Variants in PLCG2 observed in about 807,000 individuals in gnomAD.
The protein encoded by PLCG2 is phospholipase C gamma 2, also known as 1-phosphatidylinositol 4,5-bisphosphate phosphodiesterase gamma-2.
In PLCG2, 69 loss-of-function variants were observed where a neutral mutation model predicts 175.6. The ratio of observed to expected loss-of-function variants is 0.39; its 90% CI spans 0.32 to 0.48. PLCG2 has a LOEUF of 0.48. Ranked by LOEUF, PLCG2 falls within the 20% of genes least tolerant of loss-of-function variation. The pLI is 0.91. For synonymous variants in PLCG2, 827 were observed against 624.0 expected, an observed-to-expected ratio of 1.33 and a Z score of -4.85; for missense variants, 1,798 against 1,650.9, an observed-to-expected ratio of 1.09 and a Z score of -1.54.
At chr16:81,813,147 G>C (rs1157308505) in intron 2 of PLCG2, among the ~76,000 whole-genome samples, 1 of 152,108 alleles carries the variant, frequency 6.6e-6, no homozygotes, top group Non-Finnish European at 1.5e-5. Context: ...GGGTTGTCTT[G>C]GTTATGTGGT....
intron 8 of PLCG2, among the ~76,000 whole-genome samples, chr16:81,881,535 G>C (rs1420454275): frequency 6.6e-6 from 1 of 152,224 alleles, no homozygotes; most frequent in South Asian, 2.1e-4. Flanking sequence ...TGGAGTTAAT[G>C]GTCTGGGGTA....
intron 12 of PLCG2, 143 bp downstream of exon 12, chr16:81,893,937 GTTTC>G: frequency 2.1e-6 from 1 of 472,734 alleles, no homozygotes; most frequent in South Asian, 3.4e-5. Context: ...AGAGTGTGAT[GTTTC>G]TTTGTTTTCT....
chr16:81,933,427 G>A (rs948253810), intron 25 of PLCG2, among the ~76,000 whole-genome samples: 2 of 152,192 alleles, frequency 1.3e-5, no homozygotes, highest in Admixed American at 6.5e-5. Flanking sequence ...ACGGTCTGTA[G>A]CCACCTCATT....
At chr16:81,856,964 G>A (rs1340283555) in intron 3 of PLCG2, among the ~76,000 whole-genome samples, 1 of 152,158 alleles carries the variant, frequency 6.6e-6, no homozygotes, top group Non-Finnish European at 1.5e-5. Flanking sequence ...TCCAGAAGCT[G>A]GGAAAGGTGA....
Position 81,910,542 on chromosome 16 carries a change from T to C in PLCG2, c.1756T>C (p.Cys586Arg). ...SFWRSGRVQH[C>R]RIRSTMEGGT... ...CAGGCGGTCAGGCCGGGTCCAGCAC[T>C]GCCGGATCCGCTCCACCATGGAGGG... The change falls in exon 18 of 33, where the codon TGC becomes CGC. Residue 586 changes from cysteine (C) to arginine (R), a missense_variant. Physicochemically the swap from Cys to Arg is radical, Grantham distance 180. Coordinates refer to ENST00000564138, the MANE Select transcript of PLCG2 (RefSeq NM_002661.5). The C allele has an allele frequency of 6.2e-7, 1 of 1,614,112 alleles. No homozygotes were observed. The highest frequency in any genetic ancestry group is 1.1e-5 in the South Asian group (1 of 91,090).
At chr16:81,869,168 G>A (rs758204350) in intron 5 of PLCG2, 46 bp from the exon 6 acceptor site, 1 of 1,466,982 alleles carries the variant, frequency 6.8e-7, no homozygotes, top group Non-Finnish European at 9.6e-7. Flanking sequence ...ATCCTGTGCT[G>A]TTGAAAACCC....
chr16:81,935,684 G>A (rs1910677317), intron 26 of PLCG2: 1 of 985,168 alleles, frequency 1.0e-6, no homozygotes, highest in Non-Finnish European at 1.2e-6. Context: ...AGAAGATGAG[G>A]CCTGTCCCCT....
chr16:81,777,026 AG>A (rs199640019), upstream of PLCG2, among the ~76,000 whole-genome samples: 4,913 of 152,264 alleles, frequency 0.032, 126 homozygotes, highest in Admixed American at 0.053. Context: ...AAAACATGAA[AG>A]AAAAAAAAGC....
At chr16:81,876,994 T>C (rs1472585955) in intron 7 of PLCG2, among the ~76,000 whole-genome samples, 4 of 152,204 alleles carry the variant, frequency 2.6e-5, no homozygotes. Context: ...AGGAGAAAAG[T>C]CCTTGCCTCC....
At chr16:81,834,959 C>A (rs541989103) in intron 2 of PLCG2, among the ~76,000 whole-genome samples, 2 of 152,252 alleles carry the variant, frequency 1.3e-5, no homozygotes, top group African/African-American at 4.8e-5. Context: ...GTAATCTGCT[C>A]TCTGGAGAAC....
chr16:81,893,607 G>T (rs1030355258), intron 11 of PLCG2, 102 bp from the exon 12 acceptor site: 1 of 722,528 alleles, frequency 1.4e-6, no homozygotes, highest in Non-Finnish European at 2.5e-6. Context: ...AGCTTTGGCG[G>T]CTCGGGCGGA....
At chr16:81,891,024 G>T (rs1908605988) in intron 10 of PLCG2, among the ~76,000 whole-genome samples, 1 of 152,096 alleles carries the variant, frequency 6.6e-6, no homozygotes, top group Non-Finnish European at 1.5e-5. Flanking sequence ...TTAGCCTGGT[G>T]TGGTGGTGCA....
At chr16:81,840,477 G>A (rs749720555) in intron 2 of PLCG2, among the ~76,000 whole-genome samples, 17 of 152,270 alleles carry the variant, frequency 1.1e-4, no homozygotes, top group Middle Eastern at 3.4e-3. Context: ...ACAACTCACC[G>A]TAATATAGAA....
rs549679223 is a variant in PLCG2, at chr16:81,837,997, A to G, written c.194-16447A>G. 2.6e-5 allele frequency among the ~76,000 whole-genome samples: 4 copies of G among 152,310 alleles called. No homozygotes were observed. In the South Asian group the frequency reaches 8.3e-4, roughly 32 times the overall value. On this transcript the variant is annotated intron_variant, in intron 2 of 32. Coordinates refer to ENST00000564138, the MANE Select transcript of PLCG2 (RefSeq NM_002661.5). The stretch of plus-strand genomic sequence containing the variant: ...CATAGCATCCTATATCTGCCATCAT[A>G]GTCAAGAGACTAAAGCAATGTAATG...
chr16:81,852,183 T>A (rs1331047080), intron 2 of PLCG2: 2 of 152,174 alleles, frequency 1.3e-5, no homozygotes, highest in Non-Finnish European at 2.9e-5. Context: ...TCCCTGCCAC[T>A]CCCAGGCTCA....
intron 2 of PLCG2, among the ~76,000 whole-genome samples, chr16:81,802,174 G>A (rs1597326456): frequency 2.3e-5 from 3 of 128,898 alleles, no homozygotes; most frequent in South Asian, 2.6e-4. Context: ...GTGCAGTGGC[G>A]CTATCTTGGC....
rs116255838 is a variant in PLCG2, at chr16:81,882,751, C to T, written c.693-518C>T. Among the ~76,000 whole-genome samples the T allele has an allele frequency of 7.7e-3, 1,167 of 152,094 alleles. 21 individuals are homozygous for T. The highest frequency in any genetic ancestry group is 0.027 in the African/African-American group (1,118 of 41,492). On this transcript the variant is annotated intron_variant, in intron 8 of 32. Transcript: ENST00000564138. ...TCTTGCTCACCCCACCTCATTCTTGCTCACCCCACCTCATTCTGGCTCACC... is the reference window on the plus strand; with the variant it reads ...TCTTGCTCACCCCACCTCATTCTTGTTCACCCCACCTCATTCTGGCTCACC...
rs1909115509 is a variant in PLCG2, at chr16:81,900,774, C to T, written c.1356C>T (p.Ile452=). The change falls in exon 14 of 33, where the codon ATC becomes ATT. Residue 452 remains isoleucine, a synonymous_variant. Transcript: ENST00000564138. The part of the protein sequence containing the change: ...PSPSQLREKI[I]IKHKKLGPRG... ...CCAGCCAGCTGCGGGAGAAGATCAT[C>T]ATCAAGGTAGGCACCCCGGGTGCTG... 1.3e-6 allele frequency: 2 copies of T among 1,597,942 alleles called. No homozygotes were observed. The highest frequency in any genetic ancestry group is 1.3e-5 in the African/African-American group (1 of 74,648).
intron 2 of PLCG2, among the ~76,000 whole-genome samples, chr16:81,838,757 C>G (rs1905658165): frequency 7.1e-6 from 1 of 140,878 alleles, no homozygotes; most frequent in Non-Finnish European, 1.5e-5. Flanking sequence ...CACATGTATC[C>G]CAGAACTTAA....
Sources: allele counts gnomAD v4.1 joint callset (sites outside exome capture counted in the v4.1 genomes callset), GRCh38; gene constraint gnomAD v4.1.1; transcripts MANE v1.5; gene names NCBI Gene and HGNC (gene_info 2026-07-23, HGNC 2026-07-21).